Variants in TUBGCP5 observed in about 807,000 individuals in gnomAD.
The protein encoded by TUBGCP5 is gamma-tubulin complex component 5.
Under a neutral mutation model 134.7 loss-of-function variants are expected in TUBGCP5, and 98 were observed. The ratio of observed to expected loss-of-function variants is 0.73; its 90% CI spans 0.62 to 0.86. TUBGCP5 has a LOEUF of 0.86. Ranked by LOEUF, TUBGCP5 falls within the 40% of genes least tolerant of loss-of-function variation. TUBGCP5 has a pLI of 0.00. For missense variants in TUBGCP5, 1,150 were observed against 1,244.8 expected (o/e 0.92, Z 1.15); for synonymous variants, 456 against 431.4 (o/e 1.06, Z -0.71).
chr15:23,032,832 A>T lies in TUBGCP5; in HGVS notation c.310-8T>A, dbSNP rs745971430. 3.9e-6 allele frequency: 6 copies of T among 1,549,888 alleles called. No homozygotes were observed. The Admixed American group carries it at 1.3e-4, about 33-fold the overall frequency. ...GGAATAATGTGCATCTGTCTTTAAAACAAAAAAAAGAACATAAATCTCTGA... is the reference window on the plus strand; with the variant it reads ...GGAATAATGTGCATCTGTCTTTAAATCAAAAAAAAGAACATAAATCTCTGA... On this transcript the variant is annotated splice_region_variant and splice_polypyrimidine_tract_variant and intron_variant, in intron 3 of 22. Coordinates refer to ENST00000615383, the MANE Select transcript of TUBGCP5 (RefSeq NM_052903.6).
intron 6 of TUBGCP5, among the ~76,000 whole-genome samples, chr15:23,028,931 T>A (rs962744587): frequency 6.6e-6 from 1 of 152,148 alleles, no homozygotes; most frequent in Non-Finnish European, 1.5e-5. Context: ...CAAACTATTA[T>A]GAGAATTCAG....
downstream of TUBGCP5, among the ~76,000 whole-genome samples, chr15:22,994,245 G>C (rs1020844024): frequency 1.3e-5 from 2 of 151,894 alleles, no homozygotes. Context: ...CCACCACCAC[G>C]CCTGGCTAAT....
In TUBGCP5 at chr15:23,039,406, G is replaced by C. The variant is rs140147622; in HGVS notation, c.138C>G (p.Ser46=). The C allele has an allele frequency of 1.1e-4, 167 of 1,500,060 alleles. No individual in the cohort carries two copies. The African/African-American group carries it at 2.0e-3, about 18-fold the overall frequency. The allele number at this position is 1,500,060 out of a possible 1,614,324, so 92.9% of individuals were successfully genotyped here. A position where few individuals can be genotyped will look rare whatever the true frequency, so the allele number is the denominator to read the frequency against. ...NFQLALNFAW[S]NFRFHRFLDV... is the part of the protein sequence containing the mutation. ...CGCGCCGTGCCCCACACCTGAAGTT[G>C]GACCAGGCGAAGTTTAGGGCGAGCT... Residue 46 remains serine, a synonymous_variant, in exon 1 of 23, where the codon TCC becomes TCG. Coordinates refer to ENST00000615383, the MANE Select transcript of TUBGCP5 (RefSeq NM_052903.6).
chr15:22,985,906 G>C (rs1193145956), intron 23 of TUBGCP5, among the ~76,000 whole-genome samples: 2 of 151,498 alleles, frequency 1.3e-5, no homozygotes, highest in African/African-American at 4.9e-5. Context: ...GGCCGAGATG[G>C]GCGGATCACA....
chr15:22,992,384 T>G (rs2063873170), intron 23 of TUBGCP5, among the ~76,000 whole-genome samples: 1 of 152,078 alleles, frequency 6.6e-6, no homozygotes, highest in Non-Finnish European at 1.5e-5. Flanking sequence ...CTATGGAAAC[T>G]GACGAATCAG....
At chr15:23,038,762 C>T (rs915148883) in intron 1 of TUBGCP5, among the ~76,000 whole-genome samples, 3 of 152,048 alleles carry the variant, frequency 2.0e-5, no homozygotes, top group Non-Finnish European at 4.4e-5. Context: ...TAGGAGATCT[C>T]ACTTTACGTA....
chr15:22,995,771 TCCC>T (rs149573233), downstream of TUBGCP5, among the ~76,000 whole-genome samples: 617 of 151,684 alleles, frequency 4.1e-3, 5 homozygotes, highest in African/African-American at 0.015. Context: ...CCCAGAAATT[TCCC>T]CCAACCCCCT....
At position 23,005,459 on chromosome 15, in the gene TUBGCP5, G is replaced by C; in HGVS notation, c.2685C>G (p.Asn895Lys). ...TGGTCATGATGTAGTTGTGCAAGCT[G>C]TTCACGAAATGCATGAGCTTCACTC... ...LLRVKLMHFV[N>K]SLHNYIMTRI... The change falls in exon 19 of 23, where the codon AAC becomes AAG. Residue 895 changes from asparagine to lysine, a missense_variant. Coordinates refer to ENST00000615383, the MANE Select transcript of TUBGCP5 (RefSeq NM_052903.6). 6.2e-7 allele frequency: 1 copy of C among 1,614,108 alleles called. No homozygotes were observed. Among genetic ancestry groups the C allele is most frequent in the Non-Finnish European group, 8.5e-7 (1 of 1,179,998 alleles).
In TUBGCP5 at chr15:23,019,358, C is replaced by G. The variant is rs770700412; in HGVS notation, c.1372-24G>C. 7.2e-6 allele frequency: 11 copies of G among 1,534,100 alleles called. No individual in the cohort carries two copies. The East Asian group carries it at 1.4e-4, about 19-fold the overall frequency. Reference sequence around the variant, plus strand: ...ACCTGAGGCAGAGAGTGTGCACGGTCAGCTCTCAGGGTTCCCTGGTCACTA... The same window carrying G: ...ACCTGAGGCAGAGAGTGTGCACGGTGAGCTCTCAGGGTTCCCTGGTCACTA... On this transcript the variant is annotated intron_variant, in intron 11 of 22. Transcript: ENST00000615383.
chr15:23,026,151 C>CA lies in TUBGCP5; in HGVS notation c.791dup (p.Leu264PhefsTer4), dbSNP rs1567153189. ...CCCGAATAACCTGAGTCTCAGTAAC[C>CA]AAAACCCTGTCATCTGGAACATACA... On this transcript the variant is annotated frameshift_variant, in exon 8 of 23. Coordinates refer to ENST00000615383, the MANE Select transcript of TUBGCP5 (RefSeq NM_052903.6). LOFTEE classifies it high-confidence loss of function. The CA allele has an allele frequency of 1.2e-6, 2 of 1,610,448 alleles. No homozygotes were observed. The highest frequency in any genetic ancestry group is 2.2e-5 in the East Asian group (1 of 44,622).
Position 23,013,568 on chromosome 15 carries a change from C to T in TUBGCP5, c.1757-2237G>A, listed in dbSNP as rs1025170557. ...TGGAGGCTTCCAGCCTCTGCAGCTTCGCAGAACAGGCTGGTCTGGAGTCAA... is the reference window on the plus strand; with the variant it reads ...TGGAGGCTTCCAGCCTCTGCAGCTTTGCAGAACAGGCTGGTCTGGAGTCAA... On this transcript the variant is annotated intron_variant, in intron 13 of 22. Coordinates refer to ENST00000615383, the MANE Select transcript of TUBGCP5 (RefSeq NM_052903.6). This position sits in a 1 kb window ranked among gnomAD's most constrained non-coding sequence, Gnocchi z 4.5. Among the ~76,000 whole-genome samples, 1 of 152,128 alleles carries T rather than the reference C, an allele frequency of 6.6e-6. No homozygotes were observed. The highest frequency in any genetic ancestry group is 1.5e-5 in the Non-Finnish European group (1 of 68,024).
rs1281219931 is a variant in TUBGCP5 at position 23,003,145 on chromosome 15, A to G, written c.2847T>C (p.Phe949=). ...ACACCTTCATGATAGCTTCTTTCACAAAGCTGACCTGCAGACCAAAGTCAC... is the reference window on the plus strand; with the variant it reads ...ACACCTTCATGATAGCTTCTTTCACGAAGCTGACCTGCAGACCAAAGTCAC... ...DRCLLREKVS[F]VKEAIMKVLN... The change falls in exon 21 of 23, where the codon TTT becomes TTC. Residue 949 remains phenylalanine (F), a synonymous_variant. Transcript: ENST00000615383. The G allele has an allele frequency of 6.2e-7, 1 of 1,614,186 alleles. No homozygotes were observed. The highest frequency in any genetic ancestry group is 1.7e-5 in the Admixed American group (1 of 60,022).
chr15:22,986,914 G>A (rs777728039), intron 23 of TUBGCP5, among the ~76,000 whole-genome samples: 4 of 152,094 alleles, frequency 2.6e-5, no homozygotes, highest in African/African-American at 4.8e-5. Context: ...TGTCAGTCAG[G>A]GTTCAACCAG....
At chr15:23,033,818 G>T (rs934212219) in intron 3 of TUBGCP5, among the ~76,000 whole-genome samples, 1 of 152,036 alleles carries the variant, frequency 6.6e-6, no homozygotes, top group Non-Finnish European at 1.5e-5. Context: ...TGAAATGGTA[G>T]GCACTTTTCC....
chr15:23,026,570 G>C (rs566049510), intron 7 of TUBGCP5, among the ~76,000 whole-genome samples: 1 of 152,188 alleles, frequency 6.6e-6, no homozygotes, highest in Admixed American at 6.5e-5. Context: ...TGGAAACAGA[G>C]ACTATAATTA....
Position 23,010,042 on chromosome 15 carries a change from A to C in TUBGCP5, c.2047T>G (p.Phe683Val). ...AGGCAGGATCTCAGCGTTAATTCAA[A>C]AGTCTGGCATGTCACAGATTCCGAT... ...RSSESVTCQT[F>V]ELTLRSCLYP... Residue 683 changes from phenylalanine (F) to valine (V), a missense_variant, in exon 15 of 23, where the codon TTT becomes GTT. Phe to Val is a conservative substitution (Grantham distance 50, BLOSUM62 -1). Transcript: ENST00000615383. 11 of 1,614,170 alleles carry C rather than the reference A, an allele frequency of 6.8e-6. No homozygotes were observed. The highest frequency in any genetic ancestry group is 9.3e-6 in the Non-Finnish European group (11 of 1,180,022).
intron 1 of TUBGCP5, among the ~76,000 whole-genome samples, chr15:23,038,073 C>T (rs560539286): frequency 6.6e-6 from 1 of 152,300 alleles, no homozygotes; most frequent in South Asian, 2.1e-4. Context: ...CCACAATTTT[C>T]AAGAATGTAA....
chr15:23,037,321 G>T (rs181776543), intron 1 of TUBGCP5, among the ~76,000 whole-genome samples, 169 bp from the exon 2 acceptor site: 1 of 151,990 alleles, frequency 6.6e-6, no homozygotes, highest in African/African-American at 2.4e-5. Context: ...AATAATCACC[G>T]TGTCCGAGAC....
intron 21 of TUBGCP5, 42 bp from the exon 22 acceptor site, chr15:23,000,711 G>A (rs766310910): frequency 2.8e-6 from 4 of 1,441,456 alleles, no homozygotes; most frequent in African/African-American, 1.4e-5. Context: ...GTGCATTGCG[G>A]GTATATAGGT....
Sources: gnomAD v4.1 joint callset for allele counts (sites outside exome capture counted in the v4.1 genomes callset) on GRCh38, gnomAD v4.1.1 for gene constraint, Gnocchi (gnomAD v3.1) non-coding constraint, MANE v1.5 for transcripts, NCBI Gene and HGNC (gene_info 2026-07-23, HGNC 2026-07-21) for gene names.